Variants in FAM227B observed in about 807,000 individuals in gnomAD.
FAM227B encodes family with sequence similarity 227 member B.
A neutral mutation model predicts 73.8 loss-of-function variants in FAM227B; 88 were observed. That is an observed-to-expected ratio of 1.19 (90% confidence interval 1.00 to 1.42). FAM227B has a LOEUF of 1.42. FAM227B is among the 40% of genes most tolerant of loss of function. The pLI, the probability that FAM227B is intolerant of heterozygous loss-of-function variation, is 0.00. For missense variants in FAM227B, 632 were observed against 590.9 expected (o/e 1.07, Z -0.72); for synonymous variants, 210 against 190.5 (o/e 1.10, Z -0.84).
intron 8 of FAM227B, among the ~76,000 whole-genome samples, chr15:49,570,828 A>G (rs1418551918): frequency 6.8e-6 from 1 of 147,312 alleles, no homozygotes; most frequent in Non-Finnish European, 1.5e-5. Context: ...TTTTTATATT[A>G]TATATAATAT....
intron 11 of FAM227B, among the ~76,000 whole-genome samples, chr15:49,403,775 T>G (rs533000288): frequency 6.6e-5 from 10 of 152,232 alleles, no homozygotes; most frequent in African/African-American, 2.4e-4. Flanking sequence ...TAGCTCTGAT[T>G]TTGGTTATTT....
chr15:49,587,398 G>A (rs915081925), intron 5 of FAM227B, among the ~76,000 whole-genome samples: 1 of 151,872 alleles, frequency 6.6e-6, no homozygotes, highest in African/African-American at 2.4e-5. Context: ...TTAATACCTG[G>A]GTGACAAAAT....
intron 13 of FAM227B, among the ~76,000 whole-genome samples, chr15:49,338,820 C>A (rs548520552): frequency 6.6e-6 from 1 of 151,966 alleles, no homozygotes; most frequent in South Asian, 2.1e-4. Flanking sequence ...AGGCTTTGTT[C>A]GTTTCTTTTC....
chr15:49,419,077 T>C (rs2151723079), intron 11 of FAM227B, among the ~76,000 whole-genome samples: 1 of 152,286 alleles, frequency 6.6e-6, no homozygotes, highest in East Asian at 1.9e-4. Context: ...TCACACAGTT[T>C]CTACAGTTCT....
chr15:49,347,243 A>G (rs1031780132), intron 13 of FAM227B, among the ~76,000 whole-genome samples: 3 of 152,224 alleles, frequency 2.0e-5, no homozygotes, highest in South Asian at 2.1e-4. Flanking sequence ...AGACACAAAA[A>G]TAAGTAGAGA....
At position 49,575,057 on chromosome 15, in the gene FAM227B, G is replaced by A; in HGVS notation, c.599C>T (p.Ala200Val). ...CCACCAAAAGGAGTCATGCAAAAGAGCAATGGAGGCTTCTGAGAGAAAATG... is the reference window on the plus strand; with the variant it reads ...CCACCAAAAGGAGTCATGCAAAAGAACAATGGAGGCTTCTGAGAGAAAATG... The part of the protein sequence containing the change: ...KTHFLSEASI[A>V]LLHDSFWWWF... Residue 200 changes from alanine (A) to valine (V), a missense_variant, in exon 8 of 16, where the codon GCT becomes GTT. By Grantham distance (64) the Ala-to-Val change is moderately conservative. Transcript: ENST00000299338. The A allele has an allele frequency of 6.2e-7, 1 of 1,601,290 alleles. No homozygotes were observed. The highest frequency in any genetic ancestry group is 1.7e-4 in the Middle Eastern group (1 of 6,024).
At chr15:49,464,126 G>C (rs1283962239) in intron 11 of FAM227B, among the ~76,000 whole-genome samples, 2 of 152,124 alleles carry the variant, frequency 1.3e-5, no homozygotes, top group Admixed American at 1.3e-4. Context: ...CCTCATGAAG[G>C]ATGGGTTAGG....
At chr15:49,619,479 G>C (rs1332286521) in intron 1 of FAM227B, among the ~76,000 whole-genome samples, 1 of 152,144 alleles carries the variant, frequency 6.6e-6, no homozygotes, top group Non-Finnish European at 1.5e-5. Flanking sequence ...CTGCCATACT[G>C]TGAGGAAACC....
chr15:49,553,305 C>T (rs1047526361), intron 9 of FAM227B, among the ~76,000 whole-genome samples: 2 of 152,164 alleles, frequency 1.3e-5, no homozygotes, highest in Admixed American at 1.3e-4. Context: ...TGTTCTGACA[C>T]CTAAAAATGT....
chr15:49,468,981 T>C (rs1240318850), intron 11 of FAM227B, among the ~76,000 whole-genome samples: 3 of 152,220 alleles, frequency 2.0e-5, no homozygotes, highest in Admixed American at 6.5e-5. Context: ...CATTTGCTTA[T>C]GTTTCAGGTT....
At chr15:49,485,978 G>A (rs2056372711) in intron 11 of FAM227B, 1 of 152,108 alleles carries the variant, frequency 6.6e-6, no homozygotes, top group Admixed American at 6.6e-5. Context: ...TGAATGTCAT[G>A]AAGGCTTGAG....
chr15:49,505,701 T>C (rs566431648), intron 11 of FAM227B, among the ~76,000 whole-genome samples: 2 of 151,956 alleles, frequency 1.3e-5, no homozygotes, highest in Admixed American at 6.6e-5. Context: ...ATGACAAAAA[T>C]ATTCAATTAA....
chr15:49,533,739 T>C (rs769481287), intron 10 of FAM227B, among the ~76,000 whole-genome samples: 7 of 151,868 alleles, frequency 4.6e-5, no homozygotes, highest in Non-Finnish European at 8.8e-5. Flanking sequence ...GTTTTCCTCT[T>C]GTCACTTTCT....
At chr15:49,453,916 C>T (rs921771834) in intron 11 of FAM227B, among the ~76,000 whole-genome samples, 2 of 152,152 alleles carry the variant, frequency 1.3e-5, no homozygotes, top group African/African-American at 4.8e-5. Context: ...TTGCATTCCT[C>T]CATCTCTTCT....
chr15:49,612,091 G>T (rs1463661041), intron 2 of FAM227B, among the ~76,000 whole-genome samples: 2 of 150,854 alleles, frequency 1.3e-5, no homozygotes, highest in African/African-American at 4.9e-5. Flanking sequence ...TCCTTGGAGA[G>T]GCTATTTTTT....
chr15:49,553,533 C>T (rs1393377742), intron 9 of FAM227B, among the ~76,000 whole-genome samples: 1 of 152,142 alleles, frequency 6.6e-6, no homozygotes, highest in Non-Finnish European at 1.5e-5. Context: ...TTCCCCAGGC[C>T]CCTGGTAGGT....
intron 3 of FAM227B, among the ~76,000 whole-genome samples, chr15:49,608,552 C>G (rs1044699618): frequency 6.6e-5 from 10 of 151,904 alleles, no homozygotes; most frequent in African/African-American, 2.4e-4. Flanking sequence ...TATTATTTAG[C>G]TCTTTTTCCT....
chr15:49,483,357 T>C, intron 11 of FAM227B: 3 of 626,736 alleles, frequency 4.8e-6, no homozygotes, highest in Non-Finnish European at 8.4e-6. Flanking sequence ...TCTCCAACTG[T>C]ATAATTTAAT....
chr15:49,348,990 T>C (rs2041899132), intron 13 of FAM227B, among the ~76,000 whole-genome samples: 1 of 152,204 alleles, frequency 6.6e-6, no homozygotes, highest in South Asian at 2.1e-4. Context: ...GTTTATAATC[T>C]AAAGCCCAAA....
Sources: gnomAD v4.1 joint callset for allele counts (sites outside exome capture counted in the v4.1 genomes callset) on GRCh38, gnomAD v4.1.1 for gene constraint, MANE v1.5 for transcripts, NCBI Gene and HGNC (gene_info 2026-07-23, HGNC 2026-07-21) for gene names.